The following NELL2 variants were observed in gnomAD, a reference collection of about 807,000 sequenced individuals.
NELL2 encodes the protein protein kinase C-binding protein NELL2.
A neutral mutation model predicts 109.6 loss-of-function variants in NELL2; 41 were observed. The ratio of observed to expected loss-of-function variants is 0.37; its 90% CI spans 0.29 to 0.49. The LOEUF (loss-of-function observed/expected upper bound fraction) is 0.49. Ranked by LOEUF, NELL2 falls within the 20% of genes least tolerant of loss-of-function variation. NELL2 has a pLI of 0.98. For missense variants in NELL2, 900 were observed against 1,008.3 expected (o/e 0.89, Z 1.45); for synonymous variants, 355 against 344.7 (o/e 1.03, Z -0.33).
chr12:44,715,821 A>G (rs78311468), intron 9 of NELL2, among the ~76,000 whole-genome samples: 3,853 of 152,232 alleles, frequency 0.025, 66 homozygotes, highest in Non-Finnish European at 0.04. Context: ...GTGAATGGGT[A>G]TATTTTCTTT....
intron 13 of NELL2, among the ~76,000 whole-genome samples, chr12:44,615,903 C>A (rs895459294): frequency 1.3e-5 from 2 of 152,118 alleles, no homozygotes; most frequent in Admixed American, 1.3e-4. Flanking sequence ...ATGATAACAA[C>A]ATGTTCAAGT....
At chr12:44,828,618 TAGC>T (rs1442978832) in intron 2 of NELL2, among the ~76,000 whole-genome samples, 4 of 152,038 alleles carry the variant, frequency 2.6e-5, no homozygotes, top group Non-Finnish European at 1.5e-5. Flanking sequence ...CAAAAAGAAA[TAGC>T]AGGTTCTATT....
intron 2 of NELL2, among the ~76,000 whole-genome samples, chr12:44,860,068 A>G (rs1944793533): frequency 6.6e-6 from 1 of 152,230 alleles, no homozygotes; most frequent in Non-Finnish European, 1.5e-5. Context: ...TGAAAAAAAA[A>G]TACAATAAAA....
At chr12:44,654,684 G>C (rs1322522808) in intron 13 of NELL2, among the ~76,000 whole-genome samples, 2 of 152,132 alleles carry the variant, frequency 1.3e-5, no homozygotes, top group Non-Finnish European at 2.9e-5. Flanking sequence ...GAGAGATGAG[G>C]CTTCTGATTT....
chr12:44,686,521 C>T (rs927462043), intron 12 of NELL2, among the ~76,000 whole-genome samples: 2 of 152,166 alleles, frequency 1.3e-5, no homozygotes, highest in African/African-American at 4.8e-5. Context: ...TTTTTCTGTT[C>T]TGTTTTTTCC....
intron 3 of NELL2, among the ~76,000 whole-genome samples, chr12:44,815,468 G>A (rs1451627111): frequency 1.3e-5 from 2 of 152,190 alleles, no homozygotes; most frequent in Non-Finnish European, 2.9e-5. Context: ...TATACCTCTT[G>A]AGGAATTCAG....
intron 12 of NELL2, among the ~76,000 whole-genome samples, chr12:44,689,530 C>T (rs1948835288): frequency 6.6e-6 from 1 of 152,180 alleles, no homozygotes; most frequent in Non-Finnish European, 1.5e-5. Flanking sequence ...CAGGGCCAGG[C>T]AGCCCTTATG....
At chr12:44,639,070 T>C (rs963830679) in intron 13 of NELL2, among the ~76,000 whole-genome samples, 7 of 152,184 alleles carry the variant, frequency 4.6e-5, no homozygotes, top group Non-Finnish European at 7.3e-5. Context: ...TGGTTTACAT[T>C]TTACATTTAA....
At chr12:44,830,861 C>A (rs1283117815) in intron 2 of NELL2, among the ~76,000 whole-genome samples, 1 of 152,020 alleles carries the variant, frequency 6.6e-6, no homozygotes, top group Non-Finnish European at 1.5e-5. Flanking sequence ...CTTTGATATT[C>A]TGTCAGGATC....
chr12:44,875,780 T>C, intron 1 of NELL2, 35 bp downstream of exon 1: 6 of 1,612,356 alleles, frequency 3.7e-6, no homozygotes, highest in Non-Finnish European at 5.1e-6. Flanking sequence ...GCGGGAGCCA[T>C]CCCTTTCCCC....
At chr12:44,636,169 T>C (rs60804250) in intron 13 of NELL2, among the ~76,000 whole-genome samples, 4,375 of 152,266 alleles carry the variant, frequency 0.029, 189 homozygotes, top group African/African-American at 0.097. Flanking sequence ...GCTTATCAGC[T>C]TAAGGAGATT....
chr12:44,791,604 T>C (rs1460473907), intron 3 of NELL2, among the ~76,000 whole-genome samples: 8 of 151,056 alleles, frequency 5.3e-5, no homozygotes, highest in Admixed American at 6.6e-5. Flanking sequence ...ATAGAGCTGA[T>C]AGAATTTGCT....
intron 12 of NELL2, among the ~76,000 whole-genome samples, chr12:44,687,220 C>T (rs1292730249): frequency 2.6e-5 from 4 of 152,098 alleles, no homozygotes. Context: ...ACTCCCTGAC[C>T]CCTTGCGCTT....
At chr12:44,724,813 AG>A (rs58909403) in intron 9 of NELL2, among the ~76,000 whole-genome samples, 1 of 149,300 alleles carries the variant, frequency 6.7e-6, no homozygotes, top group Non-Finnish European at 1.5e-5. Context: ...GGCAATCCTA[AG>A]GGGAAAAAAA....
chr12:44,628,396 A>G (rs992151073), intron 13 of NELL2, among the ~76,000 whole-genome samples: 12 of 152,152 alleles, frequency 7.9e-5, no homozygotes, highest in Non-Finnish European at 1.5e-4. Context: ...ACTGCACTGA[A>G]ACACAATCCA....
At chr12:44,851,437 CTTTG>C (rs1439980155) in intron 2 of NELL2, among the ~76,000 whole-genome samples, 1 of 152,084 alleles carries the variant, frequency 6.6e-6, no homozygotes, top group African/African-American at 2.4e-5. Context: ...AATTTGGACT[CTTTG>C]TTTATGATTG....
At position 44,608,816 on chromosome 12, in the gene NELL2, C is replaced by T. The variant is rs567389013; in HGVS notation, c.1568-1552G>A. The stretch of plus-strand genomic sequence containing the variant: ...AAGGACTTAGTTATATTGTAGTCTC[C>T]GCTCATGCATTGGAAATGCATTTCA... On this transcript the variant is annotated intron_variant, in intron 14 of 19. Coordinates refer to ENST00000429094, the MANE Select transcript of NELL2 (RefSeq NM_001145108.2). 1.6e-4 allele frequency among the ~76,000 whole-genome samples: 25 copies of T among 151,630 alleles called. No homozygotes were observed. The South Asian group carries it at 2.7e-3, about 17-fold the overall frequency.
At chr12:44,806,910 A>C (rs116108331) in intron 3 of NELL2, among the ~76,000 whole-genome samples, 2,235 of 151,852 alleles carry the variant, frequency 0.015, 54 homozygotes, top group African/African-American at 0.051. Flanking sequence ...AGAGATACAA[A>C]AATGGTGTTG....
chr12:44,791,767 T>C (rs1942443549), intron 3 of NELL2, among the ~76,000 whole-genome samples: 1 of 152,004 alleles, frequency 6.6e-6, no homozygotes, highest in African/African-American at 2.4e-5. Context: ...GTAAATCAAG[T>C]ATTTAAATGT....
Sources: gnomAD v4.1 joint callset for allele counts (sites outside exome capture counted in the v4.1 genomes callset) on GRCh38, gnomAD v4.1.1 for gene constraint, MANE v1.5 for transcripts, NCBI Gene and HGNC (gene_info 2026-07-23, HGNC 2026-07-21) for gene names.